Variants in RPS6KA2 observed in about 807,000 individuals in gnomAD.
RPS6KA2 encodes the protein ribosomal protein S6 kinase A2.
RPS6KA2 carries 42 observed loss-of-function variants against 91.8 expected under a neutral mutation model. The observed-to-expected ratio is 0.46, with a 90% confidence interval of 0.36 to 0.59. The LOEUF is 0.59. Among genes scored for constraint, RPS6KA2 ranks in the 20% least tolerant of loss-of-function variants. The pLI, the probability that RPS6KA2 is intolerant of heterozygous loss-of-function variation, is 0.00. For missense variants in RPS6KA2, 798 were observed against 978.5 expected (o/e 0.82, Z 2.46); for synonymous variants, 414 against 393.6 (o/e 1.05, Z -0.61).
In RPS6KA2 at chr6:166,839,437, A is replaced by C. The variant is rs147858621; in HGVS notation, c.123+18763T>G. ...ATGTTTGTTAGATAAATAAGTGAGT[A>C]AATGTGTACTATTGATGTAGCAACT... On this transcript the variant is annotated intron_variant, in intron 2 of 21. Coordinates refer to the RPS6KA2 transcript ENST00000503859. Among the ~76,000 whole-genome samples, 45 of 152,028 alleles carry C rather than the reference A, an allele frequency of 3.0e-4. No homozygotes were observed. The East Asian group carries it at 8.7e-3, about 30-fold the overall frequency.
chr6:166,686,429 A>C (rs1028649598), intron 2 of RPS6KA2, among the ~76,000 whole-genome samples: 1 of 152,148 alleles, frequency 6.6e-6, no homozygotes, highest in Admixed American at 6.5e-5. Flanking sequence ...AAATCCAAGC[A>C]GGTTGGTGTG....
intron 2 of RPS6KA2, among the ~76,000 whole-genome samples, chr6:166,674,222 A>T (rs2128562261): frequency 6.6e-6 from 1 of 152,374 alleles, no homozygotes; most frequent in South Asian, 2.1e-4. Context: ...AACATAATGC[A>T]TTCAGGAAGT....
intron 2 of RPS6KA2, among the ~76,000 whole-genome samples, chr6:166,779,632 G>A (rs1778714109): frequency 6.6e-6 from 1 of 152,156 alleles, no homozygotes; most frequent in South Asian, 2.1e-4. Context: ...AGCCGTGATC[G>A]CCCACATCCC....
chr6:166,476,838 A>G (rs1780993944), intron 10 of RPS6KA2, among the ~76,000 whole-genome samples: 1 of 152,098 alleles, frequency 6.6e-6, no homozygotes, highest in South Asian at 2.1e-4. Context: ...TCTGGCATTG[A>G]GAGCTCTTAT....
chr6:166,530,889 G>A (rs1257537066), intron 3 of RPS6KA2, among the ~76,000 whole-genome samples: 1 of 152,252 alleles, frequency 6.6e-6, no homozygotes, highest in African/African-American at 2.4e-5. Context: ...GAGGCCGTCG[G>A]CCTGCCGGTA....
intron 2 of RPS6KA2, among the ~76,000 whole-genome samples, chr6:166,717,183 G>A (rs561897234): frequency 2.0e-5 from 3 of 152,208 alleles, no homozygotes; most frequent in Admixed American, 6.5e-5. Flanking sequence ...GTCTGAGTTC[G>A]TCTGAGGCTC....
chr6:166,559,756 T>A (rs1784284922), intron 1 of RPS6KA2, among the ~76,000 whole-genome samples: 1 of 152,174 alleles, frequency 6.6e-6, no homozygotes, highest in Non-Finnish European at 1.5e-5. Flanking sequence ...AAAGTTTTAA[T>A]AACATGTTAT....
chr6:166,572,956 G>A (rs1452309980), intron 1 of RPS6KA2, among the ~76,000 whole-genome samples: 1 of 152,234 alleles, frequency 6.6e-6, no homozygotes, highest in Non-Finnish European at 1.5e-5. Context: ...GCCCCTGCGT[G>A]GTCAGAGGGA....
At position 166,434,350 on chromosome 6, in the gene RPS6KA2, T is replaced by C. The variant is rs996410987; in HGVS notation, c.1333-1860A>G. The stretch of plus-strand genomic sequence containing the variant: ...TCTCTCCTTCTGCTGCATTTAATTC[T>C]ACTGAAGTTTTAGCTAGGACACTAG... On this transcript the variant is annotated intron_variant, in intron 14 of 20. Coordinates refer to ENST00000265678, the MANE Select transcript of RPS6KA2 (RefSeq NM_021135.6). The surrounding 1 kb of genome is among the most constrained non-coding windows in gnomAD (Gnocchi z 4.4). Among the ~76,000 whole-genome samples, 1 of 152,224 alleles carries C rather than the reference T, an allele frequency of 6.6e-6. No individual in the cohort carries two copies. The highest frequency in any genetic ancestry group is 1.5e-5 in the Non-Finnish European group (1 of 68,042).
chr6:166,638,927 T>C (rs543470744), intron 2 of RPS6KA2, among the ~76,000 whole-genome samples: 4 of 152,300 alleles, frequency 2.6e-5, no homozygotes, highest in South Asian at 2.1e-4. Context: ...AAATAAAGTC[T>C]ATTTTTAAAA....
At chr6:166,444,413 C>CT (rs1779612955) in intron 14 of RPS6KA2, among the ~76,000 whole-genome samples, 1 of 152,192 alleles carries the variant, frequency 6.6e-6, no homozygotes, top group Non-Finnish European at 1.5e-5. Flanking sequence ...CAAAGGCGGA[C>CT]TTTAGTTTTC....
rs1291944498 is a variant in RPS6KA2, at chr6:166,533,570, G to A, written c.217-2257C>T. Among the ~76,000 whole-genome samples, 1 of 152,230 alleles carries A rather than the reference G, an allele frequency of 6.6e-6. No individual in the cohort carries two copies. Among genetic ancestry groups the A allele is most frequent in the Admixed American group, 6.5e-5 (1 of 15,290 alleles). ...TCCTGGCCTAGGCAATGAAGAGCAGGTGCAAAACGTTCCAGCTGCCACTCC... is the reference window on the plus strand; with the variant it reads ...TCCTGGCCTAGGCAATGAAGAGCAGATGCAAAACGTTCCAGCTGCCACTCC... On this transcript the variant is annotated intron_variant, in intron 2 of 20. Transcript: ENST00000265678. The surrounding 1 kb of genome is among the most constrained non-coding windows in gnomAD (Gnocchi z 4.0).
chr6:166,814,962 C>T (rs1779727860), intron 2 of RPS6KA2, among the ~76,000 whole-genome samples: 1 of 152,238 alleles, frequency 6.6e-6, no homozygotes, highest in African/African-American at 2.4e-5. Flanking sequence ...AACCACCCCT[C>T]TTCCACCACA....
intron 2 of RPS6KA2, among the ~76,000 whole-genome samples, chr6:166,685,288 G>C (rs565827011): frequency 6.7e-6 from 1 of 150,096 alleles, no homozygotes; most frequent in African/African-American, 2.5e-5. Context: ...GGAGTGTGGG[G>C]TGTGTGTGCA....
rs1394608357 is a variant in RPS6KA2 at position 166,770,183 on chromosome 6, C to T, written c.123+88017G>A. 2.0e-5 allele frequency among the ~76,000 whole-genome samples: 3 copies of T among 152,134 alleles called. No individual in the cohort carries two copies. The highest frequency in any genetic ancestry group is 2.9e-5 in the Non-Finnish European group (2 of 68,026). ...TCACAACCACATGTGGCGTGACTACCGACTTACTACATTTCACCTGAGTGT... is the reference window on the plus strand; with the variant it reads ...TCACAACCACATGTGGCGTGACTACTGACTTACTACATTTCACCTGAGTGT... On this transcript the variant is annotated intron_variant, in intron 2 of 21. Coordinates refer to the RPS6KA2 transcript ENST00000503859. The surrounding 1 kb of genome is among the most constrained non-coding windows in gnomAD (Gnocchi z 5.1).
chr6:166,412,725 A>G lies in RPS6KA2; in HGVS notation c.*37T>C, dbSNP rs1562475375. The stretch of plus-strand genomic sequence containing the variant: ...GGCCGGGGTCTGTGAGCCCACGAGG[A>G]TGCTGGCAGGGGACGCTGGGGCCAG... On this transcript the variant is annotated 3_prime_UTR_variant, in exon 21 of 21. Transcript: ENST00000265678. This position sits in a 1 kb window ranked among gnomAD's most constrained non-coding sequence, Gnocchi z 4.3. 4.5e-6 allele frequency: 7 copies of G among 1,558,142 alleles called. No homozygotes were observed. The highest frequency in any genetic ancestry group is 6.1e-6 in the Non-Finnish European group (7 of 1,152,254).
In RPS6KA2 at chr6:166,459,476, G is replaced by A. The variant is rs1282213477; in HGVS notation, c.1048C>T (p.Pro350Ser). The A allele has an allele frequency of 1.2e-6, 2 of 1,613,882 alleles. No homozygotes were observed. The highest frequency in any genetic ancestry group is 1.3e-5 in the African/African-American group (1 of 74,912). ...GRPEDTFHFD[P>S]EFTARTPTDS... ...GTGGGCGTCCGCGCTGTGAACTCGG[G>A]GTCAAAGTGGAAGGTGTCCTCAGGC... Residue 350 changes from proline to serine, a missense_variant, in exon 12 of 21, where the codon CCC (proline) becomes TCC (serine). By Grantham distance (74) the Pro-to-Ser change is moderately conservative (BLOSUM62 -1). Coordinates refer to ENST00000265678, the MANE Select transcript of RPS6KA2 (RefSeq NM_021135.6). This position sits in a 1 kb window ranked among gnomAD's most constrained non-coding sequence, Gnocchi z 4.9.
chr6:166,723,552 A>T (rs982147922), intron 2 of RPS6KA2, among the ~76,000 whole-genome samples: 1 of 152,240 alleles, frequency 6.6e-6, no homozygotes, highest in African/African-American at 2.4e-5. Flanking sequence ...AGGATCTAAT[A>T]ACAATACGTA....
At chr6:166,450,680 G>A (rs1174275169) in intron 13 of RPS6KA2, among the ~76,000 whole-genome samples, 1 of 146,260 alleles carries the variant, frequency 6.8e-6, no homozygotes, top group Non-Finnish European at 1.5e-5. Context: ...CCACCACAGG[G>A]ACCACCACAG....
Sources: allele counts gnomAD v4.1 joint callset (sites outside exome capture counted in the v4.1 genomes callset), GRCh38; gene constraint gnomAD v4.1.1; non-coding constraint Gnocchi (gnomAD v3.1); transcripts MANE v1.5; gene names NCBI Gene and HGNC (gene_info 2026-07-23, HGNC 2026-07-21).